The following SLC14A2 variants were observed in gnomAD, a reference collection of about 807,000 sequenced individuals.
SLC14A2 encodes solute carrier family 14 member 2.
Under a neutral mutation model 104.6 loss-of-function variants are expected in SLC14A2, and 91 were observed. The ratio of observed to expected loss-of-function variants is 0.87; its 90% CI spans 0.73 to 1.04. The LOEUF (loss-of-function observed/expected upper bound fraction) is 1.04, where lower values mean the gene tolerates loss of function less well. SLC14A2 is among the 50% of genes least tolerant of loss of function. SLC14A2 has a pLI of 0.00. For synonymous variants in SLC14A2, 476 were observed against 466.4 expected (o/e 1.02, Z -0.27); for missense variants, 1,189 against 1,156.0 (o/e 1.03, Z -0.41).
intron 19 of SLC14A2, among the ~76,000 whole-genome samples, chr18:45,681,491 T>C (rs1311875484): frequency 6.6e-6 from 1 of 152,102 alleles, no homozygotes; most frequent in East Asian, 1.9e-4. Flanking sequence ...AAATGAAGAG[T>C]GGAGAAGAGT....
intron 1 of SLC14A2, among the ~76,000 whole-genome samples, chr18:45,220,660 G>T (rs1198213206): frequency 1.3e-5 from 2 of 152,134 alleles, no homozygotes; most frequent in African/African-American, 4.8e-5. Flanking sequence ...TCCTGCACTC[G>T]TGCCCTTTAA....
At chr18:45,314,737 T>C (rs2085112266) in intron 1 of SLC14A2, among the ~76,000 whole-genome samples, 1 of 152,268 alleles carries the variant, frequency 6.6e-6, no homozygotes, top group East Asian at 1.9e-4. Context: ...AGAACAAAAA[T>C]CCTTCAACAA....
At chr18:45,600,301 C>A (rs2044770333) in intron 2 of SLC14A2, among the ~76,000 whole-genome samples, 1 of 152,006 alleles carries the variant, frequency 6.6e-6, no homozygotes, top group Admixed American at 6.5e-5. Flanking sequence ...TGAGTGAAGA[C>A]CATCACGGGA....
intron 7 of SLC14A2, 64 bp from the exon 8 acceptor site, chr18:45,641,145 G>A: frequency 6.3e-7 from 1 of 1,580,370 alleles, no homozygotes; most frequent in Non-Finnish European, 8.6e-7. Context: ...CCTGGCACCA[G>A]TCCCAGGGTG....
rs777795443 is a variant in SLC14A2, at chr18:45,258,746, C to T, written c.-125+45555C>T. Among the ~76,000 whole-genome samples the T allele has an allele frequency of 8.0e-5, 9 of 112,056 alleles. 1 individual carries two copies. The highest frequency in any genetic ancestry group is 1.2e-4 in the African/African-American group (3 of 24,688). The allele number at this position is 112,056 out of a possible 152,430, so 73.5% of individuals were successfully genotyped here. A position where few individuals can be genotyped will look rare whatever the true frequency, so the allele number is the denominator to read the frequency against. On this transcript the variant is annotated intron_variant, in intron 1 of 20. Coordinates refer to the SLC14A2 transcript ENST00000586448. ...CCTTTGCAGTTTGTAAATGCTTTGA[C>T]CAGTACTGAGATCATTGATCCCCAT...
At chr18:45,613,136 A>T (rs1240441213), upstream of SLC14A2, among the ~76,000 whole-genome samples, 7 of 152,146 alleles carry the variant, frequency 4.6e-5, no homozygotes, top group East Asian at 1.2e-3. Context: ...CCAGGTCCAC[A>T]CAATTCTCCT....
intron 2 of SLC14A2, among the ~76,000 whole-genome samples, chr18:45,512,887 A>G (rs774315239): frequency 6.6e-6 from 1 of 152,222 alleles, no homozygotes; most frequent in Non-Finnish European, 1.5e-5. Context: ...TGGCTAGTTC[A>G]GAATGTTTTC....
chr18:45,334,540 T>C (rs944023811), intron 1 of SLC14A2, among the ~76,000 whole-genome samples: 1 of 152,208 alleles, frequency 6.6e-6, no homozygotes, highest in Non-Finnish European at 1.5e-5. Flanking sequence ...AACGTATAAA[T>C]GTATTTACTT....
At chr18:45,563,321 C>T (rs988763213) in intron 2 of SLC14A2, among the ~76,000 whole-genome samples, 1 of 152,156 alleles carries the variant, frequency 6.6e-6, no homozygotes, top group Non-Finnish European at 1.5e-5. Flanking sequence ...ACCGGGAGCT[C>T]TCTGTAGGAA....
At chr18:45,228,870 A>T (rs2084146342) in intron 1 of SLC14A2, among the ~76,000 whole-genome samples, 1 of 152,068 alleles carries the variant, frequency 6.6e-6, no homozygotes, top group African/African-American at 2.4e-5. Context: ...TGGCTGTCTC[A>T]CCTGAACCTC....
chr18:45,174,201 A>G, the SLC14A2 span, among the ~76,000 whole-genome samples: 1 of 152,090 alleles, frequency 6.6e-6, no homozygotes, highest in African/African-American at 2.4e-5. Context: ...GGAAGGGAGC[A>G]TGTCATAGAA....
chr18:45,316,752 A>G (rs185990133), intron 1 of SLC14A2, among the ~76,000 whole-genome samples: 36 of 152,272 alleles, frequency 2.4e-4, no homozygotes, highest in Non-Finnish European at 4.7e-4. Flanking sequence ...GGAAGCTTCC[A>G]TGGACAGAAC....
chr18:45,474,594 G>A (rs889694644), intron 1 of SLC14A2, among the ~76,000 whole-genome samples: 3 of 152,090 alleles, frequency 2.0e-5, no homozygotes, highest in Non-Finnish European at 4.4e-5. Context: ...CTTCTTCCTG[G>A]TTTAGTCTTG....
intron 2 of SLC14A2, among the ~76,000 whole-genome samples, chr18:45,551,925 G>A (rs1171685688): frequency 2.0e-5 from 3 of 152,196 alleles, no homozygotes; most frequent in Non-Finnish European, 2.9e-5. Flanking sequence ...ATTGCCATAA[G>A]TACTATTGCA....
At position 45,679,871 on chromosome 18, in the gene SLC14A2, G is replaced by A. The variant is rs536035149; in HGVS notation, c.2562+847G>A. 7.2e-5 allele frequency among the ~76,000 whole-genome samples: 11 copies of A among 152,228 alleles called. No individual in the cohort carries two copies. The South Asian group carries it at 1.7e-3, about 23-fold the overall frequency. On this transcript the variant is annotated intron_variant, in intron 19 of 19. Coordinates refer to ENST00000255226, the MANE Select transcript of SLC14A2 (RefSeq NM_007163.4). ...GCTTCATTGTATTTGTGCACACCTC[G>A]GCTAAATACTTGATGTCGTACAGTT...
chr18:45,377,358 G>A (rs1425711977), intron 1 of SLC14A2, among the ~76,000 whole-genome samples: 1 of 151,388 alleles, frequency 6.6e-6, no homozygotes, highest in Non-Finnish European at 1.5e-5. Flanking sequence ...AAATCTTTTT[G>A]TATAACATTG....
rs969863765 is a variant in SLC14A2, at chr18:45,644,112, A to G, written c.1303A>G (p.Ile435Val). ...SKVTYPEANR[I>V]YYLTVKSGEE... is the part of the protein sequence containing the mutation. ...AGTCACCTACCCCGAGGCCAACCGC[A>G]TCTACTACCTGACAGTGAAAAGCGG... Residue 435 changes from isoleucine to valine, a missense_variant, in exon 10 of 20, where the codon ATC becomes GTC. Coordinates refer to ENST00000255226, the MANE Select transcript of SLC14A2 (RefSeq NM_007163.4). The G allele has an allele frequency of 1.2e-6, 2 of 1,614,228 alleles. No individual in the cohort carries two copies. The highest frequency in any genetic ancestry group is 1.7e-6 in the Non-Finnish European group (2 of 1,180,030).
chr18:45,577,230 T>A (rs1262190081), intron 2 of SLC14A2, among the ~76,000 whole-genome samples: 1 of 151,978 alleles, frequency 6.6e-6, no homozygotes, highest in Non-Finnish European at 1.5e-5. Flanking sequence ...AATAAAAACA[T>A]ACTTAATACA....
At chr18:45,639,259 C>A (rs751187610) in intron 6 of SLC14A2, among the ~76,000 whole-genome samples, 5 of 152,206 alleles carry the variant, frequency 3.3e-5, no homozygotes, top group African/African-American at 7.2e-5. Context: ...AGACCTCAGA[C>A]CTGAGCTAGG....
Sources: allele counts gnomAD v4.1 joint callset (sites outside exome capture counted in the v4.1 genomes callset), GRCh38; gene constraint gnomAD v4.1.1; transcripts MANE v1.5; gene names NCBI Gene and HGNC (gene_info 2026-07-23, HGNC 2026-07-21).